Variants in CRYBG3 observed in about 807,000 individuals in gnomAD.
CRYBG3 encodes the protein crystallin beta-gamma domain containing 3, also known as very large A-kinase anchor protein.
In CRYBG3, 127 loss-of-function variants were observed where a neutral mutation model predicts 244.2. The ratio of observed to expected loss-of-function variants is 0.52; its 90% CI spans 0.45 to 0.60. The LOEUF (loss-of-function observed/expected upper bound fraction) is 0.60. Ranked by LOEUF, CRYBG3 falls within the 20% of genes least tolerant of loss-of-function variation. CRYBG3 has a pLI of 0.00. For synonymous variants in CRYBG3, 1,132 were observed against 1,195.8 expected, an observed-to-expected ratio of 0.95 and a Z score of 1.10; for missense variants, 3,325 against 3,442.5, an observed-to-expected ratio of 0.97 and a Z score of 0.85.
At chr3:97,936,143 C>T (rs1180911296) in intron 18 of CRYBG3, among the ~76,000 whole-genome samples, 5 of 152,022 alleles carry the variant, frequency 3.3e-5, no homozygotes, top group African/African-American at 9.7e-5. Context: ...CAAGAGCAGC[C>T]GTAGGCAATC....
Position 97,873,406 on chromosome 3 carries a change from A to C in CRYBG3, c.2212A>C (p.Asn738His). 2.0e-6 allele frequency: 3 copies of C among 1,535,516 alleles called. No individual in the cohort carries two copies. Among genetic ancestry groups the C allele is most frequent in the Non-Finnish European group, 2.6e-6 (3 of 1,146,734 alleles). Residue 738 changes from asparagine to histidine, a missense_variant, in exon 4 of 22, where the codon AAT (asparagine) becomes CAT (histidine). Physicochemically the swap from Asn to His is moderately conservative, Grantham distance 68. Around this residue, in one of 4 missense-constraint regions of CRYBG3, gnomAD observed 1,526 missense variants for 1,443.2 expected, o/e 1.06. Coordinates refer to ENST00000389622, the MANE Select transcript of CRYBG3 (RefSeq NM_153605.4). Reference protein sequence around the residue: ...AIFEFKEVLSNSEKCQVLPGS... With the variant: ...AIFEFKEVLSHSEKCQVLPGS... ...TTTTGAATTCAAAGAAGTTCTTTCT[A>C]ATAGTGAAAAATGCCAGGTTCTTCC...
chr3:97,915,465 GT>G, intron 16 of CRYBG3, 144 bp from the exon 17 acceptor site: 1 of 658,482 alleles, frequency 1.5e-6, no homozygotes, highest in East Asian at 2.8e-5. Context: ...TAGCTGTTGT[GT>G]TTTTTGTTTT....
intron 16 of CRYBG3, among the ~76,000 whole-genome samples, chr3:97,915,169 AT>A (rs1205685527): frequency 6.6e-6 from 1 of 152,208 alleles, no homozygotes; most frequent in Non-Finnish European, 1.5e-5. Flanking sequence ...CAGGTACTTA[AT>A]AATCACCCTA....
At chr3:97,883,634 C>T (rs182112675) in intron 7 of CRYBG3, among the ~76,000 whole-genome samples, 5 of 152,040 alleles carry the variant, frequency 3.3e-5, no homozygotes, top group Admixed American at 2.6e-4. Context: ...TGTTTGTTCT[C>T]GGAATCATTT....
rs1316951185 is a variant in CRYBG3, at chr3:97,938,803, T to C, written c.8505+1895T>C. ...CACTTATTTTGAAAATTTTTTATTA[T>C]TATTATTATTCACAATGTCCCTTGA... is the stretch of plus-strand genomic sequence containing the variant. On this transcript the variant is annotated intron_variant, in intron 19 of 21. Coordinates refer to ENST00000389622, the MANE Select transcript of CRYBG3 (RefSeq NM_153605.4). Among the ~76,000 whole-genome samples the C allele has an allele frequency of 3.9e-5, 6 of 151,934 alleles. No individual in the cohort carries two copies. In the South Asian group the frequency reaches 8.3e-4, roughly 21 times the overall value.
Position 97,944,273 on chromosome 3 carries a change from T to TATA in CRYBG3, c.*960_*961insTAA, listed in dbSNP as rs2040300980. 3.9e-5 allele frequency: 6 copies of TATA among 151,956 alleles called. No homozygotes were observed. The highest frequency in any genetic ancestry group is 3.9e-4 in the Admixed American group (6 of 15,212). 9.4% of individuals were successfully genotyped at this position (151,956 alleles called of 1,614,324 possible). On this transcript the variant is annotated 3_prime_UTR_variant, in exon 22 of 22. Coordinates refer to ENST00000389622, the MANE Select transcript of CRYBG3 (RefSeq NM_153605.4). ...ACTCCCATTGTAAGTAACTTTTATT[T>TATA]AAGTAAGTAAAATCAGGTAGGAAAT... is the stretch of plus-strand genomic sequence containing the variant.
At chr3:97,879,771 A>C (rs1334949676) in intron 5 of CRYBG3, 23 bp downstream of exon 5, 2 of 1,563,846 alleles carry the variant, frequency 1.3e-6, no homozygotes, top group Non-Finnish European at 8.8e-7. Flanking sequence ...TTCTCAAACT[A>C]AGATAAAGGT....
intron 3 of CRYBG3, among the ~76,000 whole-genome samples, chr3:97,871,013 A>G (rs2039295769): frequency 6.6e-6 from 1 of 152,160 alleles, no homozygotes; most frequent in Non-Finnish European, 1.5e-5. Flanking sequence ...AGAGGGCATT[A>G]GAGTTTCCTT....
Position 97,875,723 on chromosome 3 carries a change from G to A in CRYBG3, c.4529G>A (p.Gly1510Glu), listed in dbSNP as rs2039363605. 1 of 1,232,042 alleles carries A rather than the reference G, an allele frequency of 8.1e-7. No homozygotes were observed. Among genetic ancestry groups the A allele is most frequent in the Admixed American group, 4.2e-5 (1 of 23,688 alleles). 76.3% of individuals were successfully genotyped at this position (1,232,042 alleles called of 1,614,324 possible). A position where few individuals can be genotyped will look rare whatever the true frequency, so the allele number is the denominator to read the frequency against. ...LVCISEKNLP[G>E]HSKNTPLAMS... ...TGTATATCTGAAAAAAACTTGCCAG[G>A]ACACAGTAAAAACACACCTCTTGCA... Residue 1510 changes from glycine (G) to glutamate (E), a missense_variant, in exon 4 of 22, where the codon GGA becomes GAA. Around this residue, in one of 4 missense-constraint regions of CRYBG3, gnomAD observed 635 missense variants for 771.7 expected, o/e 0.82. Coordinates refer to ENST00000389622, the MANE Select transcript of CRYBG3 (RefSeq NM_153605.4).
intron 20 of CRYBG3, 65 bp downstream of exon 20, chr3:97,941,371 C>A: frequency 1.7e-6 from 2 of 1,184,872 alleles, no homozygotes; most frequent in Non-Finnish European, 2.3e-6. Flanking sequence ...AAACTAGAAT[C>A]CTGTCAAATC....
intron 9 of CRYBG3, among the ~76,000 whole-genome samples, chr3:97,889,152 T>C (rs970453518): frequency 3.3e-5 from 5 of 152,304 alleles, no homozygotes; most frequent in Non-Finnish European, 5.9e-5. Context: ...CCCATCTACA[T>C]TGATGAGGAA....
At chr3:97,905,386 C>T (rs1224083555) in intron 15 of CRYBG3, among the ~76,000 whole-genome samples, 1 of 151,806 alleles carries the variant, frequency 6.6e-6, no homozygotes, top group Non-Finnish European at 1.5e-5. Flanking sequence ...CCTATTTCTT[C>T]ACATCCTCTC....
At chr3:97,857,606 C>A (rs145786793) in intron 2 of CRYBG3, among the ~76,000 whole-genome samples, 292 of 151,946 alleles carry the variant, frequency 1.9e-3, no homozygotes, top group Middle Eastern at 6.8e-3. Flanking sequence ...TATATAATGG[C>A]CTTCTTTGTC....
At chr3:97,843,107 A>C (rs1419545965) in intron 1 of CRYBG3, 88 bp from the exon 2 acceptor site, 3 of 721,064 alleles carry the variant, frequency 4.2e-6, no homozygotes, top group African/African-American at 1.8e-5. Flanking sequence ...CAGATAAAGG[A>C]CCTTTCAGTT....
intron 17 of CRYBG3, among the ~76,000 whole-genome samples, chr3:97,921,243 T>G (rs2039981332): frequency 6.6e-6 from 1 of 152,188 alleles, no homozygotes; most frequent in Non-Finnish European, 1.5e-5. Context: ...TTTCTTAAAG[T>G]GACTTTTGTC....
intron 1 of CRYBG3, among the ~76,000 whole-genome samples, chr3:97,839,913 C>A (rs1267615836): frequency 6.6e-6 from 1 of 152,004 alleles, no homozygotes; most frequent in East Asian, 1.9e-4. Flanking sequence ...ATTTGTCTAA[C>A]AAATAACTAT....
At position 97,927,208 on chromosome 3, in the gene CRYBG3, C is replaced by CA. The variant is rs558397589; in HGVS notation, c.8242-6480dup. ...TAACCAAAACAGCATGATACTGGTA[C>CA]AAAAAACAGACACAGAGGCCAATGG... On this transcript the variant is annotated intron_variant, in intron 17 of 21. Transcript: ENST00000389622. 4.1e-4 allele frequency among the ~76,000 whole-genome samples: 63 copies of CA among 151,952 alleles called. No homozygotes were observed. In the South Asian group the frequency reaches 4.4e-3, roughly 11 times the overall value.
chr3:97,933,920 G>A lies in CRYBG3; in HGVS notation c.8381+87G>A. ...TGCAAACCAAGTCCACTGTGTAGTA[G>A]TACGCATTCAAGTGGTCTTGAGGAA... On this transcript the variant is annotated intron_variant, in intron 18 of 21. Coordinates refer to ENST00000389622, the MANE Select transcript of CRYBG3 (RefSeq NM_153605.4). The A allele has an allele frequency of 4.4e-6, 5 of 1,137,120 alleles. No individual in the cohort carries two copies. The South Asian group carries it at 4.5e-5, about 10-fold the overall frequency. 70.4% of individuals were successfully genotyped at this position (1,137,120 alleles called of 1,614,324 possible).
chr3:97,846,091 A>G (rs2038897090), intron 2 of CRYBG3, among the ~76,000 whole-genome samples: 3 of 152,202 alleles, frequency 2.0e-5, no homozygotes, highest in Non-Finnish European at 4.4e-5. Context: ...AACCAGTTAC[A>G]TTCATGTTCA....
Sources: gnomAD v4.1 joint callset for allele counts (sites outside exome capture counted in the v4.1 genomes callset) on GRCh38, gnomAD v4.1.1 for gene constraint, gnomAD v4.1.1 regional missense constraint, MANE v1.5 for transcripts, NCBI Gene and HGNC (gene_info 2026-07-23, HGNC 2026-07-21) for gene names.